The following VAV3 variants were observed in gnomAD, a reference collection of about 807,000 sequenced individuals.
VAV3 encodes the protein guanine nucleotide exchange factor VAV3.
In VAV3, 94 loss-of-function variants were observed where a neutral mutation model predicts 131.2. The ratio of observed to expected loss-of-function variants is 0.72; its 90% CI spans 0.61 to 0.85. The LOEUF (loss-of-function observed/expected upper bound fraction) is 0.85, where lower values mean the gene tolerates loss of function less well. Among genes scored for constraint, VAV3 ranks in the 40% least tolerant of loss-of-function variants. The probability of loss-of-function intolerance (pLI) is 0.00; values close to 1 mark genes in which losing one functional copy is unlikely to be tolerated. For synonymous variants in VAV3, 349 were observed against 342.0 expected (o/e 1.02, Z -0.22); for missense variants, 939 against 1,002.7 (o/e 0.94, Z 0.86).
At chr1:107,758,132 A>G (rs997001078) in intron 10 of VAV3, among the ~76,000 whole-genome samples, 3 of 152,162 alleles carry the variant, frequency 2.0e-5, no homozygotes, top group Non-Finnish European at 4.4e-5. Context: ...CAGTGTCATC[A>G]CTTAAGCCAA....
At chr1:107,697,302 A>G (rs12039907) in intron 17 of VAV3, among the ~76,000 whole-genome samples, 19,055 of 152,248 alleles carry the variant, frequency 0.13, 1,412 homozygotes, top group South Asian at 0.25. Context: ...TTACCATTTC[A>G]TACCGCTAAT....
At chr1:107,802,396 T>G (rs889274720) in intron 2 of VAV3, among the ~76,000 whole-genome samples, 3 of 152,066 alleles carry the variant, frequency 2.0e-5, no homozygotes, top group Admixed American at 6.6e-5. Flanking sequence ...TTATGTTGAA[T>G]AAAAATGGGC....
At chr1:107,890,626 C>T (rs1341342711) in intron 1 of VAV3, among the ~76,000 whole-genome samples, 1 of 152,234 alleles carries the variant, frequency 6.6e-6, no homozygotes, top group African/African-American at 2.4e-5. Flanking sequence ...GATAGACTAA[C>T]TCGAATTCTG....
At chr1:107,793,780 T>C (rs1162694031) in intron 2 of VAV3, among the ~76,000 whole-genome samples, 1 of 152,234 alleles carries the variant, frequency 6.6e-6, no homozygotes, top group African/African-American at 2.4e-5. Flanking sequence ...TTAAGAACCC[T>C]AATCTAGTAG....
At position 107,772,990 on chromosome 1, in the gene VAV3, T is replaced by C. The variant is rs1665139854; in HGVS notation, c.447-147A>G. 4 of 671,740 alleles carry C rather than the reference T, an allele frequency of 6.0e-6. No homozygotes were observed. The East Asian group carries it at 1.1e-4, about 19-fold the overall frequency. 41.6% of individuals were successfully genotyped at this position (671,740 alleles called of 1,614,324 possible). A position where few individuals can be genotyped will look rare whatever the true frequency, so the allele number is the denominator to read the frequency against. On this transcript the variant is annotated intron_variant, in intron 4 of 26. Coordinates refer to ENST00000370056, the MANE Select transcript of VAV3 (RefSeq NM_006113.5). ...AGTTCAAAAGGTTTACATTACAACT[T>C]TGTCCCTCTTAATAGGTACAATGAC...
chr1:107,699,051 C>T (rs565711284), intron 17 of VAV3, among the ~76,000 whole-genome samples: 1 of 152,282 alleles, frequency 6.6e-6, no homozygotes, highest in Admixed American at 6.5e-5. Context: ...CCAAAACTCA[C>T]ATCCTCATAT....
intron 17 of VAV3, among the ~76,000 whole-genome samples, chr1:107,702,170 A>G (rs956611126): frequency 6.6e-6 from 1 of 152,196 alleles, no homozygotes; most frequent in African/African-American, 2.4e-5. Context: ...GAAACTTACA[A>G]TCATGGCAGA....
At chr1:107,922,507 C>T (rs988410234) in intron 1 of VAV3, among the ~76,000 whole-genome samples, 2 of 152,068 alleles carry the variant, frequency 1.3e-5, no homozygotes, top group Admixed American at 1.3e-4. Flanking sequence ...AGTATACTAG[C>T]TGAGCTTTTT....
At chr1:107,807,251 T>C (rs1019839835) in intron 2 of VAV3, among the ~76,000 whole-genome samples, 1 of 152,216 alleles carries the variant, frequency 6.6e-6, no homozygotes, top group Admixed American at 6.5e-5. Context: ...AATATTTCAT[T>C]TAAAATAGAT....
intron 19 of VAV3, among the ~76,000 whole-genome samples, chr1:107,659,360 C>T (rs1408787574): frequency 6.6e-6 from 1 of 151,978 alleles, no homozygotes; most frequent in African/African-American, 2.4e-5. Context: ...ATAAATTCAT[C>T]AAAGAAATTC....
At chr1:107,847,158 G>T (rs542400334) in intron 2 of VAV3, among the ~76,000 whole-genome samples, 73 of 152,272 alleles carry the variant, frequency 4.8e-4, no homozygotes, top group African/African-American at 1.2e-3. Context: ...CAAACAACCT[G>T]CTCCTGAACG....
intron 24 of VAV3, among the ~76,000 whole-genome samples, chr1:107,598,719 A>G (rs542572010): frequency 5.7e-4 from 87 of 152,138 alleles, no homozygotes; most frequent in Non-Finnish European, 1.1e-3. Flanking sequence ...CAGACAAGGT[A>G]TAGAATTAAA....
At chr1:107,849,821 C>T (rs1669138011) in intron 2 of VAV3, among the ~76,000 whole-genome samples, 1 of 152,174 alleles carries the variant, frequency 6.6e-6, no homozygotes, top group South Asian at 2.1e-4. Context: ...ATCTATCCAT[C>T]TGACAAAGGG....
At chr1:107,877,038 C>G (rs983134074) in intron 1 of VAV3, among the ~76,000 whole-genome samples, 1 of 152,092 alleles carries the variant, frequency 6.6e-6, no homozygotes, top group Non-Finnish European at 1.5e-5. Flanking sequence ...AACTTAGACA[C>G]ACTTTACCCT....
intron 2 of VAV3, among the ~76,000 whole-genome samples, chr1:107,848,368 T>C (rs1448401677): frequency 2.0e-5 from 3 of 151,046 alleles, no homozygotes; most frequent in African/African-American, 7.3e-5. Context: ...ATGAAAAAGC[T>C]TGTCCATCAC....
At chr1:107,693,053 T>C (rs913376070) in intron 17 of VAV3, among the ~76,000 whole-genome samples, 34 of 152,230 alleles carry the variant, frequency 2.2e-4, no homozygotes, top group African/African-American at 7.2e-4. Flanking sequence ...GGTGGTGTAC[T>C]GTGAGAAGGA....
intron 17 of VAV3, among the ~76,000 whole-genome samples, chr1:107,701,661 T>C (rs1373188172): frequency 6.6e-6 from 1 of 152,214 alleles, no homozygotes; most frequent in Non-Finnish European, 1.5e-5. Flanking sequence ...TTCTCCAACC[T>C]TTTATGCTCC....
intron 2 of VAV3, among the ~76,000 whole-genome samples, chr1:107,871,975 A>G (rs915043772): frequency 6.6e-6 from 1 of 152,160 alleles, no homozygotes; most frequent in Admixed American, 6.5e-5. Flanking sequence ...CTTTCTTTCT[A>G]AAGTATAAGT....
intron 2 of VAV3, among the ~76,000 whole-genome samples, chr1:107,813,894 A>C (rs1256405449): frequency 6.6e-6 from 1 of 152,022 alleles, no homozygotes; most frequent in Non-Finnish European, 1.5e-5. Flanking sequence ...CACTTAACAT[A>C]ATGATCTCCA....
Sources: allele counts gnomAD v4.1 joint callset (sites outside exome capture counted in the v4.1 genomes callset), GRCh38; gene constraint gnomAD v4.1.1; transcripts MANE v1.5; gene names NCBI Gene and HGNC (gene_info 2026-07-23, HGNC 2026-07-21).